SLC7A1: variants seen among roughly 807,000 people sequenced by gnomAD.
The protein encoded by SLC7A1 is high affinity cationic amino acid transporter 1.
A neutral mutation model predicts 53.9 loss-of-function variants in SLC7A1; 10 were observed. That is an observed-to-expected ratio of 0.19 (90% CI 0.11 to 0.31). The LOEUF is 0.31. Among genes scored for constraint, SLC7A1 ranks in the 10% least tolerant of loss-of-function variants. SLC7A1 has a pLI of 1.00. For missense variants in SLC7A1, 525 were observed against 827.2 expected, an observed-to-expected ratio of 0.63 and a Z score of 4.48; for synonymous variants, 342 against 338.7, an observed-to-expected ratio of 1.01 and a Z score of -0.11.
At chr13:29,515,933 C>T (rs1294436755) in intron 12 of SLC7A1, among the ~76,000 whole-genome samples, 1 of 152,208 alleles carries the variant, frequency 6.6e-6, no homozygotes, top group Non-Finnish European at 1.5e-5. Context: ...AGGTCTTGCC[C>T]AAAAGAATAA....
At chr13:29,568,007 C>T (rs1223942065) in intron 1 of SLC7A1, among the ~76,000 whole-genome samples, 1 of 152,116 alleles carries the variant, frequency 6.6e-6, no homozygotes, top group Admixed American at 6.5e-5. Context: ...GGCAGGCACC[C>T]CACATGCCTG....
intron 4 of SLC7A1, among the ~76,000 whole-genome samples, chr13:29,532,023 C>T (rs544760160): frequency 6.6e-6 from 1 of 152,298 alleles, no homozygotes; most frequent in Non-Finnish European, 1.5e-5. Context: ...TGCAGACTTA[C>T]TTTCTGATGC....
chr13:29,566,468 T>C (rs1277386719), intron 1 of SLC7A1, among the ~76,000 whole-genome samples: 1 of 152,210 alleles, frequency 6.6e-6, no homozygotes, highest in African/African-American at 2.4e-5. Context: ...TTCTGACATA[T>C]GCTGCAACAC....
chr13:29,583,818 A>C, intron 1 of SLC7A1, among the ~76,000 whole-genome samples: 1 of 152,212 alleles, frequency 6.6e-6, no homozygotes, highest in African/African-American at 2.4e-5. Flanking sequence ...AGTTCAATAA[A>C]ATTACTCACA....
intron 1 of SLC7A1, among the ~76,000 whole-genome samples, chr13:29,557,678 GA>G: frequency 7.2e-6 from 1 of 139,224 alleles, no homozygotes; most frequent in Non-Finnish European, 1.6e-5. Flanking sequence ...GTGAATGAGG[GA>G]GAGTGAATAT....
intron 2 of SLC7A1, among the ~76,000 whole-genome samples, chr13:29,537,150 C>CAGT (rs1869457537): frequency 6.6e-6 from 1 of 152,178 alleles, no homozygotes; most frequent in African/African-American, 2.4e-5. Context: ...AGACTTCCTT[C>CAGT]CATAGAGTCC....
At chr13:29,554,021 C>T (rs1242783705) in intron 1 of SLC7A1, among the ~76,000 whole-genome samples, 161 bp from the exon 2 acceptor site, 2 of 152,094 alleles carry the variant, frequency 1.3e-5, no homozygotes, top group Non-Finnish European at 2.9e-5. Flanking sequence ...AAGGGGCCCA[C>T]CATGGGGCAT....
intron 12 of SLC7A1, among the ~76,000 whole-genome samples, chr13:29,514,896 T>C (rs1280999242): frequency 6.6e-6 from 1 of 152,210 alleles, no homozygotes; most frequent in Non-Finnish European, 1.5e-5. Flanking sequence ...CTTAGCCCCC[T>C]GATGCCCCCG....
At chr13:29,569,264 G>A (rs969575107) in intron 1 of SLC7A1, among the ~76,000 whole-genome samples, 1 of 152,110 alleles carries the variant, frequency 6.6e-6, no homozygotes, top group Admixed American at 6.6e-5. Flanking sequence ...ATTGGAGATC[G>A]GCCCTTCACC....
chr13:29,524,088 C>T (rs764025422), intron 6 of SLC7A1, 44 bp downstream of exon 6: 21 of 1,602,896 alleles, frequency 1.3e-5, no homozygotes, highest in East Asian at 4.5e-5. Context: ...CTTGTTTGCC[C>T]AGGGTGCAGG....
intron 1 of SLC7A1, among the ~76,000 whole-genome samples, chr13:29,574,806 G>A (rs2139173149): frequency 6.6e-6 from 1 of 152,078 alleles, no homozygotes; most frequent in Non-Finnish European, 1.5e-5. Flanking sequence ...CACCATGACT[G>A]GCTAATTTTT....
chr13:29,521,604 G>C (rs944774840), intron 8 of SLC7A1, among the ~76,000 whole-genome samples: 2 of 152,168 alleles, frequency 1.3e-5, no homozygotes, highest in African/African-American at 2.4e-5. Context: ...TGCCTCTCGG[G>C]GCTATGAAAT....
intron 1 of SLC7A1, among the ~76,000 whole-genome samples, chr13:29,593,528 T>C (rs889326063): frequency 6.6e-6 from 1 of 152,224 alleles, no homozygotes; most frequent in African/African-American, 2.4e-5. Flanking sequence ...AATTTGTCCC[T>C]AGGATTAATA....
At position 29,532,917 on chromosome 13, in the gene SLC7A1, C is replaced by A; in HGVS notation, c.436G>T (p.Glu146Ter). The change falls in exon 4 of 13, where the codon GAG becomes TAG. Residue 146 changes from glutamate to a stop codon, truncating the protein, a stop_gained. Coordinates refer to ENST00000380752, the MANE Select transcript of SLC7A1 (RefSeq NM_003045.5). LOFTEE classifies it high-confidence loss of function. ...AGAGTCATGTGTGTCCGTGAGAACT[C>A]CCCGATGGGTCTGCCTATCAGCTCG... The part of the protein sequence containing the change: ...FDELIGRPIG[E>*]FSRTHMTLNA... 1 of 1,614,174 alleles carries A rather than the reference C, an allele frequency of 6.2e-7. No individual in the cohort carries two copies. The highest frequency in any genetic ancestry group is 8.5e-7 in the Non-Finnish European group (1 of 1,180,022).
intron 2 of SLC7A1, among the ~76,000 whole-genome samples, chr13:29,538,154 A>G (rs1367893517): frequency 6.6e-6 from 1 of 152,220 alleles, no homozygotes; most frequent in Non-Finnish European, 1.5e-5. Context: ...TTTGTTACAT[A>G]GATGGGGAAA....
chr13:29,533,900 C>A (rs1041300539), intron 3 of SLC7A1, among the ~76,000 whole-genome samples: 8 of 152,152 alleles, frequency 5.3e-5, no homozygotes, highest in African/African-American at 1.2e-4. Flanking sequence ...TGACCATGGT[C>A]CTAATTATCC....
chr13:29,570,770 T>A (rs1273133442), intron 1 of SLC7A1, among the ~76,000 whole-genome samples: 1 of 151,024 alleles, frequency 6.6e-6, no homozygotes, highest in South Asian at 2.1e-4. Flanking sequence ...GACGGGAGGA[T>A]CACTTGAGCC....
At chr13:29,526,491 C>G (rs1239196799) in intron 5 of SLC7A1, among the ~76,000 whole-genome samples, 1 of 151,960 alleles carries the variant, frequency 6.6e-6, no homozygotes, top group Non-Finnish European at 1.5e-5. Flanking sequence ...AATCCTGTCT[C>G]TAAAATAATT....
intron 2 of SLC7A1, among the ~76,000 whole-genome samples, chr13:29,548,332 T>C (rs1265423795): frequency 6.6e-6 from 1 of 152,172 alleles, no homozygotes; most frequent in East Asian, 1.9e-4. Flanking sequence ...CAAGTGAATT[T>C]TGCGGTTCAC....
Sources: gnomAD v4.1 joint callset for allele counts (sites outside exome capture counted in the v4.1 genomes callset) on GRCh38, gnomAD v4.1.1 for gene constraint, MANE v1.5 for transcripts, NCBI Gene and HGNC (gene_info 2026-07-23, HGNC 2026-07-21) for gene names.